Variants in FRMD4B observed in about 807,000 individuals in gnomAD.
FRMD4B encodes the protein FERM domain containing 4B.
In FRMD4B, 74 loss-of-function variants were observed where a neutral mutation model predicts 141.5. That is an observed-to-expected ratio of 0.52 (90% confidence interval 0.43 to 0.63). The LOEUF (loss-of-function observed/expected upper bound fraction) is 0.63. Ranked by LOEUF, FRMD4B falls within the 30% of genes least tolerant of loss-of-function variation. The probability of loss-of-function intolerance (pLI) is 0.00; values close to 1 mark genes in which losing one functional copy is unlikely to be tolerated. For missense variants in FRMD4B, 1,366 were observed against 1,253.4 expected (o/e 1.09, Z -1.36); for synonymous variants, 506 against 467.9 (o/e 1.08, Z -1.05).
At chr3:69,200,308 G>T (rs1178928467) in intron 11 of FRMD4B, 2 of 539,206 alleles carry the variant, frequency 3.7e-6, no homozygotes, top group African/African-American at 2.0e-5. Flanking sequence ...ACACATAGCT[G>T]TCTGTAACTA....
chr3:69,344,431 T>C (rs964668860), intron 1 of FRMD4B, among the ~76,000 whole-genome samples: 2 of 152,114 alleles, frequency 1.3e-5, no homozygotes, highest in African/African-American at 2.4e-5. Flanking sequence ...CTGTAATATA[T>C]TTGGGTAATA....
At chr3:69,447,339 C>T (rs1014215141) in intron 1 of FRMD4B, among the ~76,000 whole-genome samples, 1 of 152,106 alleles carries the variant, frequency 6.6e-6, no homozygotes, top group Non-Finnish European at 1.5e-5. Context: ...TAACCAGAAC[C>T]TTGATTTGGA....
At chr3:69,418,581 T>C (rs1371477717) in intron 2 of FRMD4B, among the ~76,000 whole-genome samples, 2 of 152,190 alleles carry the variant, frequency 1.3e-5, no homozygotes, top group East Asian at 1.9e-4. Flanking sequence ...CAAAATTCCA[T>C]GTTGTTGGCA....
chr3:69,181,009 T>C lies in FRMD4B; in HGVS notation c.2741A>G (p.His914Arg), dbSNP rs970718105. ...QRASGQKDQGHSPQTSFDSDR... is the reference protein window; with the variant it reads ...QRASGQKDQGRSPQTSFDSDR... ...TGAGTCAAAGCTGGTCTGCGGGCTGTGTCCCTGATCCTTCTGCCCAGAGGC... is the reference window on the plus strand; with the variant it reads ...TGAGTCAAAGCTGGTCTGCGGGCTGCGTCCCTGATCCTTCTGCCCAGAGGC... The change falls in exon 21 of 23, where the codon CAC (histidine) becomes CGC (arginine). Residue 914 changes from histidine to arginine, a missense_variant. Coordinates refer to ENST00000398540, the MANE Select transcript of FRMD4B (RefSeq NM_015123.3). The C allele has an allele frequency of 2.5e-6, 4 of 1,613,918 alleles. No homozygotes were observed. The African/African-American group carries it at 5.3e-5, about 22-fold the overall frequency.
intron 2 of FRMD4B, among the ~76,000 whole-genome samples, chr3:69,410,621 T>C (rs1436552211): frequency 6.7e-6 from 1 of 149,862 alleles, no homozygotes; most frequent in African/African-American, 2.5e-5. Flanking sequence ...GGAAGGAAAA[T>C]AGAATATTTT....
chr3:69,242,003 C>A (rs2093388035), intron 7 of FRMD4B, among the ~76,000 whole-genome samples: 2 of 152,168 alleles, frequency 1.3e-5, no homozygotes, highest in Non-Finnish European at 2.9e-5. Context: ...AAATAGTAAG[C>A]TACTTAACAG....
chr3:69,328,614 G>C (rs1702261288), intron 1 of FRMD4B, among the ~76,000 whole-genome samples: 1 of 152,086 alleles, frequency 6.6e-6, no homozygotes, highest in African/African-American at 2.4e-5. Context: ...GATAAAACAG[G>C]ACACAGCAAA....
chr3:69,215,241 G>C (rs1222373691), intron 11 of FRMD4B, among the ~76,000 whole-genome samples: 3 of 129,434 alleles, frequency 2.3e-5, no homozygotes, highest in Non-Finnish European at 4.8e-5. Flanking sequence ...ATTAATGTTA[G>C]TTATTTAACC....
chr3:69,278,790 C>T (rs7641884), intron 5 of FRMD4B, among the ~76,000 whole-genome samples: 152,224 of 152,224 alleles, frequency 1, 76,112 homozygotes, highest in Non-Finnish European at 1. Flanking sequence ...GGTTTCACCA[C>T]GTTGTCCAGG....
intron 1 of FRMD4B, among the ~76,000 whole-genome samples, chr3:69,526,082 G>T (rs1451776978): frequency 6.6e-6 from 1 of 152,142 alleles, no homozygotes; most frequent in Non-Finnish European, 1.5e-5. Context: ...CTCTGCTGAG[G>T]ACTTTCTTGT....
At chr3:69,384,530 A>ATTTTTT (rs1704202921) in intron 1 of FRMD4B, among the ~76,000 whole-genome samples, 1 of 152,272 alleles carries the variant, frequency 6.6e-6, no homozygotes. Context: ...GGCTCCAAAA[A>ATTTTTT]GCCAGAGAGC....
intron 1 of FRMD4B, among the ~76,000 whole-genome samples, chr3:69,496,645 GA>G (rs1706401782): frequency 1.0e-5 from 1 of 97,316 alleles, no homozygotes; most frequent in South Asian, 3.7e-4. Context: ...GAAAGAGAGA[GA>G]GAGAGAGAGA....
intron 5 of FRMD4B, 187 bp from the exon 6 acceptor site, chr3:69,250,286 T>TGCGC (rs779534048): frequency 2.9e-5 from 14 of 488,378 alleles, no homozygotes; most frequent in Non-Finnish European, 4.6e-5. Context: ...AACCACTGTG[T>TGCGC]GTGCGTGTGT....
At position 69,181,005 on chromosome 3, in the gene FRMD4B, G is replaced by A. The variant is rs2092701300; in HGVS notation, c.2745C>T (p.Ser915=). 1 of 1,613,854 alleles carries A rather than the reference G, an allele frequency of 6.2e-7. No homozygotes were observed. Among genetic ancestry groups the A allele is most frequent in the African/African-American group, 1.3e-5 (1 of 74,920 alleles). The stretch of plus-strand genomic sequence containing the variant: ...TGTCTGAGTCAAAGCTGGTCTGCGG[G>A]CTGTGTCCCTGATCCTTCTGCCCAG... The part of the protein sequence containing the change: ...RASGQKDQGH[S]PQTSFDSDRG... Residue 915 remains serine (S), a synonymous_variant, in exon 21 of 23, where the codon AGC becomes AGT. Transcript: ENST00000398540.
chr3:69,536,288 T>C (rs1054132683), intron 1 of FRMD4B: 3 of 630,338 alleles, frequency 4.8e-6, no homozygotes, highest in Non-Finnish European at 2.9e-6. Flanking sequence ...GCCATCTCCC[T>C]GGGCTGGATT....
intron 1 of FRMD4B, among the ~76,000 whole-genome samples, chr3:69,470,384 T>C (rs113803636): frequency 0.026 from 3,998 of 152,290 alleles, 203 homozygotes; most frequent in African/African-American, 0.091. Flanking sequence ...TAAAACACCA[T>C]TTTGCAAGTT....
chr3:69,535,963 G>A lies in FRMD4B; in HGVS notation c.-129+6243C>T, dbSNP rs144466101. Reference sequence around the variant, plus strand: ...TTCCTGTGGTCCCCAGCATCTCCTTGGCTGCTCCTGCTGCCTCGGGCCTTT... The same window carrying A: ...TTCCTGTGGTCCCCAGCATCTCCTTAGCTGCTCCTGCTGCCTCGGGCCTTT... On this transcript the variant is annotated intron_variant, in intron 1 of 5. Coordinates refer to the FRMD4B transcript ENST00000459638. 9.9e-4 allele frequency: 382 copies of A among 384,882 alleles called. 2 individuals are homozygous for A. Among genetic ancestry groups the A allele is most frequent in the African/African-American group, 7.1e-3 (335 of 47,162 alleles). The allele number at this position is 384,882 out of a possible 1,614,324, so 23.8% of individuals were successfully genotyped here. A position where few individuals can be genotyped will look rare whatever the true frequency, so the allele number is the denominator to read the frequency against.
At chr3:69,263,290 T>C (rs2106870761) in intron 5 of FRMD4B, among the ~76,000 whole-genome samples, 1 of 151,328 alleles carries the variant, frequency 6.6e-6, no homozygotes, top group African/African-American at 2.4e-5. Flanking sequence ...AAAAAGCAAA[T>C]GGTAGCAGAC....
At chr3:69,483,588 G>C (rs979960008) in intron 1 of FRMD4B, among the ~76,000 whole-genome samples, 7 of 152,070 alleles carry the variant, frequency 4.6e-5, no homozygotes, top group African/African-American at 1.7e-4. Flanking sequence ...GACCATATTG[G>C]GAAATGGTCA....
Sources: gnomAD v4.1 joint callset for allele counts (sites outside exome capture counted in the v4.1 genomes callset) on GRCh38, gnomAD v4.1.1 for gene constraint, MANE v1.5 for transcripts, NCBI Gene and HGNC (gene_info 2026-07-23, HGNC 2026-07-21) for gene names.